The following CDC42SE2 variants were observed in gnomAD, a reference collection of about 807,000 sequenced individuals.
CDC42SE2 encodes the protein CDC42 small effector protein 2.
Under a neutral mutation model 11.5 loss-of-function variants are expected in CDC42SE2, and 3 were observed. That is an observed-to-expected ratio of 0.26 (90% CI 0.12 to 0.67). The LOEUF (loss-of-function observed/expected upper bound fraction) is 0.67. CDC42SE2 is among the 30% of genes least tolerant of loss of function. The pLI, the probability that CDC42SE2 is intolerant of heterozygous loss-of-function variation, is 0.80. For synonymous variants in CDC42SE2, 33 were observed against 34.8 expected (o/e 0.95, Z 0.18); for missense variants, 82 against 106.8 (o/e 0.77, Z 1.02).
In CDC42SE2 at chr5:131,295,975, G is replaced by A. The variant is rs143455386; in HGVS notation, c.-454-20001G>A. Among the ~76,000 whole-genome samples the A allele has an allele frequency of 2.3e-3, 357 of 152,242 alleles. 1 individual carries two copies. Among genetic ancestry groups the A allele is most frequent in the African/African-American group, 8.2e-3 (342 of 41,544 alleles). Reference sequence around the variant, plus strand: ...GCTGGGATTACAGGCGTGAGCCACCGCACCCGGCCAACACATTTCTTTTTA... The same window carrying A: ...GCTGGGATTACAGGCGTGAGCCACCACACCCGGCCAACACATTTCTTTTTA... On this transcript the variant is annotated intron_variant, in intron 1 of 4. Coordinates refer to ENST00000505065, the MANE Select transcript of CDC42SE2 (RefSeq NM_001375635.1).
chr5:131,216,622 T>A, the CDC42SE2 span, among the ~76,000 whole-genome samples: 1 of 151,994 alleles, frequency 6.6e-6, no homozygotes, highest in Non-Finnish European at 1.5e-5. Flanking sequence ...GGGATACAGT[T>A]TCCTTTAATT....
chr5:131,220,855 A>G, the CDC42SE2 span, among the ~76,000 whole-genome samples: 2 of 151,112 alleles, frequency 1.3e-5, no homozygotes, highest in Non-Finnish European at 2.9e-5. Flanking sequence ...GCCAAACCAA[A>G]ACGTCTATAG....
chr5:131,321,033 G>A (rs1758176334), intron 2 of CDC42SE2, among the ~76,000 whole-genome samples: 1 of 152,106 alleles, frequency 6.6e-6, no homozygotes, highest in Non-Finnish European at 1.5e-5. Context: ...AGAAATGTAG[G>A]TATTCTAATG....
rs549048767 is a variant in CDC42SE2 at position 131,361,060 on chromosome 5, AGTTT to A, written c.54+1526_54+1529del. On this transcript the variant is annotated intron_variant, in intron 3 of 4. Coordinates refer to ENST00000505065, the MANE Select transcript of CDC42SE2 (RefSeq NM_001375635.1). Reference sequence around the variant, plus strand: ...TTCATAATACATATGTAAATCTTAGAGTTTGTTTGTTTGTTTTTTTTTTTGGATT... The same window carrying A: ...TTCATAATACATATGTAAATCTTAGAGTTTGTTTGTTTTTTTTTTTGGATT... Among the ~76,000 whole-genome samples, 547 of 141,138 alleles carry A rather than the reference AGTTT, an allele frequency of 3.9e-3. 3 individuals are homozygous for A. Among genetic ancestry groups the A allele is most frequent in the African/African-American group, 0.012 (469 of 38,120 alleles). The allele number at this position is 141,138 out of a possible 152,430, so 92.6% of individuals were successfully genotyped here.
At chr5:131,279,251 A>G (rs1184094569) in intron 1 of CDC42SE2, among the ~76,000 whole-genome samples, 2 of 152,174 alleles carry the variant, frequency 1.3e-5, no homozygotes, top group Non-Finnish European at 2.9e-5. Context: ...ATTGCATAAA[A>G]TGTGCTATTT....
upstream of CDC42SE2, among the ~76,000 whole-genome samples, chr5:131,261,021 A>T (rs1234270562): frequency 2.0e-5 from 3 of 152,276 alleles, no homozygotes; most frequent in Non-Finnish European, 2.9e-5. Context: ...TTATTTAAGT[A>T]AAAGATTGCA....
At chr5:131,350,112 A>G (rs552625514) in intron 2 of CDC42SE2, among the ~76,000 whole-genome samples, 3 of 152,196 alleles carry the variant, frequency 2.0e-5, no homozygotes, top group East Asian at 3.9e-4. Flanking sequence ...TAATGTGTAC[A>G]AGGGCCTTGT....
At chr5:131,361,173 C>T (rs1035938331) in intron 3 of CDC42SE2, among the ~76,000 whole-genome samples, 17 of 150,034 alleles carry the variant, frequency 1.1e-4, no homozygotes, top group African/African-American at 2.2e-4. Context: ...AGTGCAGTGA[C>T]GTGATATATA....
At chr5:131,382,985 T>TAA (rs1038075705) in intron 3 of CDC42SE2, among the ~76,000 whole-genome samples, 1 of 152,214 alleles carries the variant, frequency 6.6e-6, no homozygotes, top group African/African-American at 2.4e-5. Flanking sequence ...CTAAAAAAGA[T>TAA]AAGTTAGCAT....
chr5:131,344,081 C>T (rs962822548), intron 2 of CDC42SE2, among the ~76,000 whole-genome samples: 9 of 152,202 alleles, frequency 5.9e-5, no homozygotes, highest in Non-Finnish European at 1.3e-4. Context: ...CAGCTCCAGT[C>T]TGCAGCTCCC....
At position 131,266,449 on chromosome 5, in the gene CDC42SE2, CT is replaced by C. The variant is rs971562102; in HGVS notation, c.-455+2293del. 2.3e-3 allele frequency among the ~76,000 whole-genome samples: 324 copies of C among 139,732 alleles called. 2 individuals carry two copies. The highest frequency in any genetic ancestry group is 7.5e-3 in the African/African-American group (291 of 38,862). The allele number at this position is 139,732 out of a possible 152,430, so 91.7% of individuals were successfully genotyped here. ...AGATTTTGGACTTACCGGCTATTAG[CT>C]TTTTTTTTTCTTTTTTTTTTTTTTT... On this transcript the variant is annotated intron_variant, in intron 1 of 4. Coordinates refer to ENST00000505065, the MANE Select transcript of CDC42SE2 (RefSeq NM_001375635.1).
chr5:131,297,330 G>T (rs1302410936), intron 1 of CDC42SE2, among the ~76,000 whole-genome samples: 2 of 151,808 alleles, frequency 1.3e-5, no homozygotes, highest in East Asian at 3.9e-4. Context: ...ATTACATAAG[G>T]CGTTAAGAAA....
At chr5:131,333,286 G>A (rs559417161) in intron 2 of CDC42SE2, among the ~76,000 whole-genome samples, 4 of 152,170 alleles carry the variant, frequency 2.6e-5, no homozygotes, top group African/African-American at 4.8e-5. Flanking sequence ...GTAGATGTGC[G>A]GCATTATTTC....
rs79173977 is a variant in CDC42SE2 at position 131,322,997 on chromosome 5, C to T, written c.-286+6853C>T. ...TTTTGTTTTCTTTCATAGTAGCCAT[C>T]CTAAGGGGTGTGAGGTGATCCCAAA... On this transcript the variant is annotated intron_variant, in intron 2 of 4. Transcript: ENST00000505065. Among the ~76,000 whole-genome samples the T allele has an allele frequency of 3.0e-3, 457 of 152,116 alleles. 2 individuals carry two copies. Among genetic ancestry groups the T allele is most frequent in the African/African-American group, 9.9e-3 (409 of 41,484 alleles).
chr5:131,348,997 G>T (rs2149760692), intron 2 of CDC42SE2, among the ~76,000 whole-genome samples: 1 of 152,198 alleles, frequency 6.6e-6, no homozygotes, highest in South Asian at 2.1e-4. Context: ...ATTCAAGATG[G>T]ATTAAAGACT....
chr5:131,381,674 A>G (rs551459390), intron 3 of CDC42SE2, among the ~76,000 whole-genome samples: 30 of 152,314 alleles, frequency 2.0e-4, no homozygotes, highest in African/African-American at 6.7e-4. Context: ...ATCCACTTCT[A>G]TCTGTGTTAT....
Position 131,392,224 on chromosome 5 carries a change from G to A in CDC42SE2, c.*1133G>A, listed in dbSNP as rs770586794. On this transcript the variant is annotated 3_prime_UTR_variant, in exon 5 of 5. Coordinates refer to ENST00000505065, the MANE Select transcript of CDC42SE2 (RefSeq NM_001375635.1). ...CGATTTTATTGGAAAGCAAGGACCT[G>A]CTATTATTTGTTAATTTGCCATCAT... 1.2e-4 allele frequency: 19 copies of A among 152,650 alleles called. No homozygotes were observed. Among genetic ancestry groups the A allele is most frequent in the African/African-American group, 2.2e-4 (9 of 41,472 alleles). 9.5% of individuals were successfully genotyped at this position (152,650 alleles called of 1,614,324 possible).
intron 2 of CDC42SE2, among the ~76,000 whole-genome samples, chr5:131,326,779 A>T (rs1396513375): frequency 6.6e-6 from 1 of 151,490 alleles, no homozygotes; most frequent in African/African-American, 2.4e-5. Context: ...TTTATTTTTT[A>T]TTATGTTTAT....
At chr5:131,320,265 G>A (rs1412670173) in intron 2 of CDC42SE2, among the ~76,000 whole-genome samples, 1 of 151,474 alleles carries the variant, frequency 6.6e-6, no homozygotes, top group African/African-American at 2.4e-5. Context: ...GGTGGTGCAT[G>A]CCTGTAATCC....
Sources: allele counts gnomAD v4.1 joint callset (sites outside exome capture counted in the v4.1 genomes callset), GRCh38; gene constraint gnomAD v4.1.1; transcripts MANE v1.5; gene names NCBI Gene and HGNC (gene_info 2026-07-23, HGNC 2026-07-21).